LRMDA: variants seen among roughly 807,000 people sequenced by gnomAD.
The protein encoded by LRMDA is leucine rich melanocyte differentiation associated.
In LRMDA, 18 loss-of-function variants were observed where a neutral mutation model predicts 29.8. That is an observed-to-expected ratio of 0.60 (90% CI 0.42 to 0.90). LRMDA has a LOEUF of 0.90. Ranked by LOEUF, LRMDA falls within the 40% of genes least tolerant of loss-of-function variation. LRMDA has a pLI of 0.00. For missense variants in LRMDA, 273 were observed against 273.9 expected, an observed-to-expected ratio of 1.00 and a Z score of 0.02; for synonymous variants, 125 against 109.4, an observed-to-expected ratio of 1.14 and a Z score of -0.89.
At chr10:76,175,962 A>G (rs1336515481) in intron 5 of LRMDA, among the ~76,000 whole-genome samples, 1 of 152,208 alleles carries the variant, frequency 6.6e-6, no homozygotes, top group Non-Finnish European at 1.5e-5. Context: ...TCTGCCTGCC[A>G]TAGCGATGTA....
intron 2 of LRMDA, among the ~76,000 whole-genome samples, chr10:75,568,269 T>C (rs1490759676): frequency 6.6e-6 from 1 of 152,226 alleles, no homozygotes; most frequent in Non-Finnish European, 1.5e-5. Flanking sequence ...ATAGTGTGTG[T>C]TAATAAATAT....
intron 6 of LRMDA, among the ~76,000 whole-genome samples, chr10:76,542,245 C>T (rs567624736): frequency 5.8e-4 from 88 of 152,250 alleles, no homozygotes; most frequent in African/African-American, 2.1e-3. Flanking sequence ...GTGTGCTATA[C>T]AGATGTAAAT....
chr10:76,038,275 T>C (rs1246610256), intron 3 of LRMDA, among the ~76,000 whole-genome samples: 2 of 152,240 alleles, frequency 1.3e-5, no homozygotes, highest in African/African-American at 4.8e-5. Context: ...TTCACAGTAT[T>C]GCTGTCACCA....
At chr10:76,184,488 T>A (rs1490051578) in intron 5 of LRMDA, among the ~76,000 whole-genome samples, 2 of 152,364 alleles carry the variant, frequency 1.3e-5, no homozygotes, top group East Asian at 3.9e-4. Context: ...GCAGTTGCTC[T>A]CTTAAAACAA....
At chr10:75,949,304 C>G (rs147949983) in intron 2 of LRMDA, among the ~76,000 whole-genome samples, 69 of 152,336 alleles carry the variant, frequency 4.5e-4, no homozygotes, top group Admixed American at 9.1e-4. Flanking sequence ...GGGCCTCCAT[C>G]ATGTAGCTTG....
At chr10:76,298,660 T>A (rs1840442213) in intron 5 of LRMDA, among the ~76,000 whole-genome samples, 1 of 152,042 alleles carries the variant, frequency 6.6e-6, no homozygotes, top group Admixed American at 6.6e-5. Flanking sequence ...CCTTGAAGAG[T>A]GAATAGAATT....
intron 5 of LRMDA, among the ~76,000 whole-genome samples, chr10:76,170,130 AT>A (rs1445956999): frequency 2.0e-5 from 3 of 152,196 alleles, no homozygotes; most frequent in Non-Finnish European, 4.4e-5. Context: ...GCTGTACAGA[AT>A]TCAGGAGCGG....
intron 2 of LRMDA, among the ~76,000 whole-genome samples, chr10:75,959,597 T>C (rs1846727107): frequency 6.6e-6 from 1 of 152,100 alleles, no homozygotes; most frequent in South Asian, 2.1e-4. Context: ...TTCCTTACAA[T>C]ATTGAGAACT....
intron 2 of LRMDA, among the ~76,000 whole-genome samples, chr10:75,459,624 A>G (rs1844561354): frequency 6.6e-6 from 1 of 152,238 alleles, no homozygotes. Flanking sequence ...TAAGCTCAGC[A>G]AAAACAGTGA....
intron 6 of LRMDA, among the ~76,000 whole-genome samples, chr10:76,439,968 A>G (rs1842284216): frequency 6.6e-6 from 1 of 152,218 alleles, no homozygotes; most frequent in South Asian, 2.1e-4. Context: ...AATCTTACCC[A>G]TCACTCACCA....
At chr10:75,797,464 ATATAGT>A (rs1843672268) in intron 2 of LRMDA, among the ~76,000 whole-genome samples, 1 of 152,192 alleles carries the variant, frequency 6.6e-6, no homozygotes, top group South Asian at 2.1e-4. Context: ...AAATAAAATC[ATATAGT>A]TATATAACCA....
chr10:75,972,334 G>A (rs958960736), intron 2 of LRMDA, among the ~76,000 whole-genome samples: 1 of 151,864 alleles, frequency 6.6e-6, no homozygotes, highest in Non-Finnish European at 1.5e-5. Context: ...CTTAACCCCA[G>A]GGAAGACTAT....
intron 6 of LRMDA, among the ~76,000 whole-genome samples, chr10:76,336,415 C>A (rs1840969804): frequency 6.6e-6 from 1 of 152,190 alleles, no homozygotes; most frequent in African/African-American, 2.4e-5. Flanking sequence ...CTTAAATACT[C>A]TCTGCAGAAG....
At chr10:76,228,108 G>A (rs144065778) in intron 5 of LRMDA, among the ~76,000 whole-genome samples, 1,544 of 151,270 alleles carry the variant, frequency 0.01, 25 homozygotes, top group African/African-American at 0.031. Context: ...TGCAACGTCC[G>A]CCTCCCGGGT....
At chr10:76,418,115 C>T (rs548604151) in intron 6 of LRMDA, among the ~76,000 whole-genome samples, 1 of 152,128 alleles carries the variant, frequency 6.6e-6, no homozygotes, top group African/African-American at 2.4e-5. Context: ...CTCTTTGAAT[C>T]TCCATACAAG....
chr10:76,100,047 A>C (rs146854750), intron 5 of LRMDA, among the ~76,000 whole-genome samples: 37 of 152,126 alleles, frequency 2.4e-4, no homozygotes, highest in Middle Eastern at 3.4e-3. Context: ...GTAATCATAG[A>C]TTTTTCCCTT....
intron 2 of LRMDA, among the ~76,000 whole-genome samples, chr10:75,791,120 AGAG>A (rs957307428): frequency 3.9e-5 from 6 of 152,208 alleles, no homozygotes; most frequent in African/African-American, 1.4e-4. Context: ...ACTGGCCCTT[AGAG>A]GAGAGTTTTT....
chr10:75,650,121 G>A (rs1841578367), intron 2 of LRMDA, among the ~76,000 whole-genome samples: 1 of 152,192 alleles, frequency 6.6e-6, no homozygotes, highest in African/African-American at 2.4e-5. Context: ...TTTAGTTGAT[G>A]AAGTCTAGTT....
intron 2 of LRMDA, among the ~76,000 whole-genome samples, chr10:75,888,725 G>T (rs1307768407): frequency 6.6e-6 from 1 of 152,160 alleles, no homozygotes; most frequent in Non-Finnish European, 1.5e-5. Context: ...GAGGAGTAAA[G>T]ATGTCGTACT....
Sources: allele counts gnomAD v4.1 joint callset (sites outside exome capture counted in the v4.1 genomes callset), GRCh38; gene constraint gnomAD v4.1.1; transcripts MANE v1.5; gene names NCBI Gene and HGNC (gene_info 2026-07-23, HGNC 2026-07-21).